The following PDE7B variants were observed in gnomAD, a reference collection of about 807,000 sequenced individuals.
PDE7B encodes the protein 3',5'-cyclic-AMP phosphodiesterase 7B.
PDE7B carries 29 observed loss-of-function variants against 56.2 expected under a neutral mutation model. That is an observed-to-expected ratio of 0.52 (90% CI 0.38 to 0.70). PDE7B has a LOEUF of 0.70. Among genes scored for constraint, PDE7B ranks in the 30% least tolerant of loss-of-function variants. PDE7B has a pLI of 0.00. For missense variants in PDE7B, 490 were observed against 565.0 expected, an observed-to-expected ratio of 0.87 and a Z score of 1.35; for synonymous variants, 197 against 196.9, an observed-to-expected ratio of 1.00 and a Z score of 0.00.
intron 2 of PDE7B, chr6:136,035,274 C>T (rs964254770): frequency 6.6e-6 from 1 of 152,176 alleles, no homozygotes; most frequent in South Asian, 2.1e-4. Flanking sequence ...GGTTTACAGG[C>T]ATGTTCTTCT....
chr6:136,152,116 A>G (rs1778530592), intron 6 of PDE7B, among the ~76,000 whole-genome samples: 1 of 152,172 alleles, frequency 6.6e-6, no homozygotes. Context: ...CAAGGCAGAA[A>G]GAATCTGAGT....
chr6:136,109,187 A>T (rs376257596), intron 3 of PDE7B, among the ~76,000 whole-genome samples: 1 of 152,290 alleles, frequency 6.6e-6, no homozygotes, highest in Non-Finnish European at 1.5e-5. Context: ...AAATCAAAAA[A>T]TTAGCTGGGT....
At chr6:135,856,227 A>G (rs1305800862) in intron 1 of PDE7B, among the ~76,000 whole-genome samples, 1 of 152,168 alleles carries the variant, frequency 6.6e-6, no homozygotes, top group Non-Finnish European at 1.5e-5. Flanking sequence ...CTCCCCTGAG[A>G]CAGTCACCTC....
intron 1 of PDE7B, among the ~76,000 whole-genome samples, chr6:135,898,969 G>T (rs1251428793): frequency 6.6e-6 from 1 of 152,064 alleles, no homozygotes; most frequent in African/African-American, 2.4e-5. Context: ...GTGTTGAGGG[G>T]GGCGCCAGGT....
intron 1 of PDE7B, among the ~76,000 whole-genome samples, chr6:135,918,652 A>C (rs1774004603): frequency 6.6e-6 from 1 of 152,168 alleles, no homozygotes; most frequent in Admixed American, 6.5e-5. Flanking sequence ...AAATTAAAAA[A>C]TATTTGGAAT....
At chr6:136,100,385 T>C (rs1777540871) in intron 2 of PDE7B, among the ~76,000 whole-genome samples, 1 of 152,226 alleles carries the variant, frequency 6.6e-6, no homozygotes. Context: ...TTTCACGATA[T>C]TGATTCTTCC....
At chr6:136,152,268 C>G (rs1778533530) in intron 6 of PDE7B, among the ~76,000 whole-genome samples, 1 of 152,168 alleles carries the variant, frequency 6.6e-6, no homozygotes, top group African/African-American at 2.4e-5. Flanking sequence ...TAACAAACCT[C>G]CAGCAGCATG....
chr6:135,909,436 GA>G (rs1181532716), intron 1 of PDE7B, among the ~76,000 whole-genome samples: 3 of 151,964 alleles, frequency 2.0e-5, no homozygotes, highest in Non-Finnish European at 2.9e-5. Flanking sequence ...CCAATGTGGC[GA>G]AACTCCAAAA....
chr6:136,127,721 A>C (rs1778045734), intron 3 of PDE7B, among the ~76,000 whole-genome samples: 1 of 152,216 alleles, frequency 6.6e-6, no homozygotes, highest in Non-Finnish European at 1.5e-5. Context: ...AGATACTTTA[A>C]AAATTAAGCC....
chr6:135,867,361 G>A (rs905522719), intron 1 of PDE7B, among the ~76,000 whole-genome samples: 1 of 152,050 alleles, frequency 6.6e-6, no homozygotes, highest in Non-Finnish European at 1.5e-5. Flanking sequence ...AATAATATAT[G>A]TTACTAAATG....
intron 1 of PDE7B, among the ~76,000 whole-genome samples, chr6:135,895,656 C>T (rs1275718522): frequency 6.6e-6 from 1 of 152,098 alleles, no homozygotes; most frequent in Non-Finnish European, 1.5e-5. Flanking sequence ...AGACTCATTG[C>T]AACCTGGGAA....
At chr6:136,071,851 A>AT (rs1347365228) in intron 2 of PDE7B, among the ~76,000 whole-genome samples, 23 of 152,376 alleles carry the variant, frequency 1.5e-4, no homozygotes, top group South Asian at 1.2e-3. Flanking sequence ...ACATGATCAT[A>AT]TAACAATGCC....
chr6:136,010,201 T>G (rs1480866021), intron 2 of PDE7B, among the ~76,000 whole-genome samples: 23 of 152,194 alleles, frequency 1.5e-4, no homozygotes, highest in Admixed American at 1.5e-3. Flanking sequence ...GTTGTTTAAT[T>G]TCCATGTAAT....
chr6:135,952,728 C>G (rs1433323028), intron 2 of PDE7B, among the ~76,000 whole-genome samples: 1 of 152,004 alleles, frequency 6.6e-6, no homozygotes, highest in African/African-American at 2.4e-5. Context: ...CAGAGATAAA[C>G]TGGGGAGTGT....
chr6:136,086,274 A>G (rs893199354), intron 2 of PDE7B, among the ~76,000 whole-genome samples: 1 of 152,058 alleles, frequency 6.6e-6, no homozygotes, highest in African/African-American at 2.4e-5. Flanking sequence ...ATCTACTCTT[A>G]TATCAGTATC....
chr6:135,985,842 G>C (rs949475033), intron 2 of PDE7B, among the ~76,000 whole-genome samples: 3 of 152,118 alleles, frequency 2.0e-5, no homozygotes, highest in African/African-American at 7.2e-5. Flanking sequence ...TCCCAACCAG[G>C]GTGGCCGTAT....
chr6:136,037,901 C>A, intron 2 of PDE7B: 1 of 1,173,082 alleles, frequency 8.5e-7, no homozygotes, highest in African/African-American at 1.6e-5. Flanking sequence ...TTTTTTCTCC[C>A]TGCTGTCGTT....
chr6:136,173,478 C>G (rs1778926027), intron 8 of PDE7B, among the ~76,000 whole-genome samples: 1 of 152,154 alleles, frequency 6.6e-6, no homozygotes, highest in South Asian at 2.1e-4. Flanking sequence ...GCTTCACTTT[C>G]TTTCTTACAT....
chr6:136,095,434 T>C (rs544266299), intron 2 of PDE7B, among the ~76,000 whole-genome samples: 35 of 152,332 alleles, frequency 2.3e-4, no homozygotes, highest in African/African-American at 7.9e-4. Context: ...GTTTTACCCA[T>C]GTGATTTCAT....
Sources: gnomAD v4.1 joint callset for allele counts (sites outside exome capture counted in the v4.1 genomes callset) on GRCh38, gnomAD v4.1.1 for gene constraint, MANE v1.5 for transcripts, NCBI Gene and HGNC (gene_info 2026-07-23, HGNC 2026-07-21) for gene names.